PRICKLE4: variants seen among roughly 807,000 people sequenced by gnomAD.
PRICKLE4 encodes prickle planar cell polarity protein 4.
In PRICKLE4, 40 loss-of-function variants were observed where a neutral mutation model predicts 43.5. That is an observed-to-expected ratio of 0.92 (90% confidence interval 0.71 to 1.20). PRICKLE4 has a LOEUF of 1.20. Ranked by LOEUF, PRICKLE4 falls within the 50% of genes most tolerant of loss-of-function variation. The pLI is 0.00. For missense variants in PRICKLE4, 527 were observed against 491.2 expected, an observed-to-expected ratio of 1.07 and a Z score of -0.69; for synonymous variants, 208 against 197.4, an observed-to-expected ratio of 1.05 and a Z score of -0.45.
rs1285975998 is a variant in PRICKLE4, at chr6:41,787,028, G to A, written c.1054G>A (p.Gly352Arg). 7 of 1,613,904 alleles carry A rather than the reference G, an allele frequency of 4.3e-6. No homozygotes were observed. In the South Asian group the frequency reaches 5.5e-5, roughly 13 times the overall value. Residue 352 changes from glycine to arginine, a missense_variant, in exon 8 of 8, where the codon GGA becomes AGA. Physicochemically the swap from Gly to Arg is moderately radical, Grantham distance 125. Coordinates refer to ENST00000458694, the MANE Select transcript of PRICKLE4 (RefSeq NM_013397.6). ...CTCCTCCTCTGACTCGGAACCTGAA[G>A]GATTTTTCTTAGGCGAGCGCCTTCC... ...CSSSSDSEPEGFFLGERLPQS... is the reference protein window; with the variant it reads ...CSSSSDSEPERFFLGERLPQS...
At position 41,786,397 on chromosome 6, in the gene PRICKLE4, G is replaced by A. The variant is rs773681695; in HGVS notation, c.787+65G>A. The A allele has an allele frequency of 5.4e-6, 8 of 1,492,554 alleles. No homozygotes were observed. The South Asian group carries it at 6.2e-5, about 12-fold the overall frequency. 92.5% of individuals were successfully genotyped at this position (1,492,554 alleles called of 1,614,324 possible). A position where few individuals can be genotyped will look rare whatever the true frequency, so the allele number is the denominator to read the frequency against. On this transcript the variant is annotated intron_variant, in intron 7 of 7. Coordinates refer to ENST00000458694, the MANE Select transcript of PRICKLE4 (RefSeq NM_013397.6). ...GGCTGGGCTGTGGGGGTTCTCCCGGGCTGGGACCCTCGCCCCGGTCCCACG... is the reference window on the plus strand; with the variant it reads ...GGCTGGGCTGTGGGGGTTCTCCCGGACTGGGACCCTCGCCCCGGTCCCACG...
At chr6:41,785,281 G>C (rs1772621973) in intron 5 of PRICKLE4, 56 bp from the exon 6 acceptor site, 18 of 1,576,850 alleles carry the variant, frequency 1.1e-5, no homozygotes, top group Non-Finnish European at 1.6e-5. Context: ...AGAGCAAGGA[G>C]GGAAGTTAGG....
chr6:41,782,726 A>C (rs996962574), intron 2 of PRICKLE4, among the ~76,000 whole-genome samples: 1 of 152,180 alleles, frequency 6.6e-6, no homozygotes. Flanking sequence ...TATTATGGTC[A>C]TATCAGGAGC....
At position 41,785,003 on chromosome 6, in the gene PRICKLE4, G is replaced by C; in HGVS notation, c.309G>C (p.Lys103Asn). The C allele has an allele frequency of 6.2e-7, 1 of 1,613,752 alleles. No homozygotes were observed. The highest frequency in any genetic ancestry group is 8.5e-7 in the Non-Finnish European group (1 of 1,179,880). Residue 103 changes from lysine (K) to asparagine (N), a missense_variant, in exon 5 of 8, where the codon AAG becomes AAC. Transcript: ENST00000458694. ...AELQLFCARR[K>N]QEALGQGVAR... ...TGCAGCTCTTCTGTGCCAGGCGGAA[G>C]CAGGAAGCCCTGGGACAGGGGGTAG...
At position 41,784,943 on chromosome 6, in the gene PRICKLE4, C is replaced by T. The variant is rs2127306570; in HGVS notation, c.249C>T (p.Tyr83=). ...GAGGACTGTTTCTGCAGGAGCGCTA[C>T]TGCCTGGCCCTTGGGGAGGAGGAGC... ...QLPPQDIDER[Y]CLALGEEERA... The change falls in exon 5 of 8, where the codon TAC becomes TAT. Residue 83 remains tyrosine, a synonymous_variant. Transcript: ENST00000458694. 5 of 1,613,998 alleles carry T rather than the reference C, an allele frequency of 3.1e-6. No homozygotes were observed. The East Asian group carries it at 8.9e-5, about 29-fold the overall frequency.
At chr6:41,783,840 C>G (rs1185587280) in intron 3 of PRICKLE4, 1 of 768,026 alleles carries the variant, frequency 1.3e-6, no homozygotes, top group Non-Finnish European at 2.3e-6. Flanking sequence ...AAACCAGACT[C>G]TAGGGGCTTT....
rs542473697 is a variant in PRICKLE4, at chr6:41,787,202, C to T, written c.*73C>T. ...AAGCGGGAGAACAAGGCTAGCCTCC[C>T]CCTAACAATCCTAGACTGAGACGCA... On this transcript the variant is annotated 3_prime_UTR_variant, in exon 8 of 8. Coordinates refer to ENST00000458694, the MANE Select transcript of PRICKLE4 (RefSeq NM_013397.6). The T allele has an allele frequency of 1.0e-5, 15 of 1,500,132 alleles. No homozygotes were observed. The highest frequency in any genetic ancestry group is 2.8e-5 in the African/African-American group (2 of 71,692). The allele number at this position is 1,500,132 out of a possible 1,614,324, so 92.9% of individuals were successfully genotyped here.
chr6:41,786,410 C>T lies in PRICKLE4; in HGVS notation c.787+78C>T, dbSNP rs754092313. On this transcript the variant is annotated intron_variant, in intron 7 of 7. Transcript: ENST00000458694. ...GGGTTCTCCCGGGCTGGGACCCTCGCCCCGGTCCCACGCCGTCCCGTCCCT... is the reference window on the plus strand; with the variant it reads ...GGGTTCTCCCGGGCTGGGACCCTCGTCCCGGTCCCACGCCGTCCCGTCCCT... 1.5e-5 allele frequency: 22 copies of T among 1,453,662 alleles called. No individual in the cohort carries two copies. The South Asian group carries it at 2.4e-4, about 16-fold the overall frequency. The allele number at this position is 1,453,662 out of a possible 1,614,324, so 90.0% of individuals were successfully genotyped here.
chr6:41,783,514 G>C lies in PRICKLE4; in HGVS notation c.41G>C (p.Ser14Thr). The change falls in exon 3 of 8, where the codon AGC becomes ACC. Residue 14 changes from serine to threonine, a missense_variant. Physicochemically the swap from Ser to Thr is moderately conservative, Grantham distance 58. Coordinates refer to ENST00000458694, the MANE Select transcript of PRICKLE4 (RefSeq NM_013397.6). ...TCTGGCTGGCCCCACCAAGAAGACA[G>C]CCCCAAGCCCCAGGATCCAGGTCCA... ...QNSGWPHQED[S>T]PKPQDPGPPA... 3 of 1,588,440 alleles carry C rather than the reference G, an allele frequency of 1.9e-6. No homozygotes were observed. The highest frequency in any genetic ancestry group is 2.6e-6 in the Non-Finnish European group (3 of 1,157,322).
At position 41,786,904 on chromosome 6, in the gene PRICKLE4, G is replaced by C. The variant is rs1429213061; in HGVS notation, c.930G>C (p.Glu310Asp). Residue 310 changes from glutamate (E) to aspartate (D), a missense_variant, in exon 8 of 8, where the codon GAG becomes GAC. Transcript: ENST00000458694. Reference sequence around the variant, plus strand: ...TGCCTGGATCCAGTCCCCAGCAGGAGAACCGACCTGGGGACAAAGCGGAGG... The same window carrying C: ...TGCCTGGATCCAGTCCCCAGCAGGACAACCGACCTGGGGACAAAGCGGAGG... Reference protein sequence around the residue: ...RGLPGSSPQQENRPGDKAEAP... With the variant: ...RGLPGSSPQQDNRPGDKAEAP... 1.2e-6 allele frequency: 2 copies of C among 1,612,680 alleles called. No homozygotes were observed. The highest frequency in any genetic ancestry group is 1.7e-4 in the Middle Eastern group (1 of 6,056).
In PRICKLE4 at chr6:41,786,748, C is replaced by T. The variant is rs778582922; in HGVS notation, c.788-14C>T. 6.2e-7 allele frequency: 1 copy of T among 1,612,806 alleles called. No homozygotes were observed. The highest frequency in any genetic ancestry group is 8.5e-7 in the Non-Finnish European group (1 of 1,179,948). On this transcript the variant is annotated splice_polypyrimidine_tract_variant and intron_variant, in intron 7 of 7. Coordinates refer to ENST00000458694, the MANE Select transcript of PRICKLE4 (RefSeq NM_013397.6). ...CGGCTCTGAGACCAGCGTTTCCGAC[C>T]CGGCCCGGAACAGGGGAGACTGGAC...
intron 1 of PRICKLE4, 103 bp downstream of exon 1, chr6:41,780,929 G>T (rs1772539387): frequency 6.1e-6 from 1 of 164,130 alleles, no homozygotes; most frequent in Non-Finnish European, 1.3e-5. Context: ...CCCGGAGGCG[G>T]GCCCGCCAAG....
At chr6:41,786,516 C>T (rs1269521015) in intron 7 of PRICKLE4, 184 bp downstream of exon 7, 2 of 1,022,616 alleles carry the variant, frequency 2.0e-6, no homozygotes, top group Non-Finnish European at 1.4e-6. Context: ...CCGGAGCGTT[C>T]CAAGGGCCGC....
rs865927966 is a variant in PRICKLE4 at position 41,786,764 on chromosome 6, G to A, written c.790G>A (p.Glu264Lys). ...GALEGQAFLGETGLDRTEGRD... is the reference protein window; with the variant it reads ...GALEGQAFLGKTGLDRTEGRD... ...GTTTCCGACCCGGCCCGGAACAGGG[G>A]AGACTGGACTCGACCGAACTGAAGG... is the stretch of plus-strand genomic sequence containing the variant. The change falls in exon 8 of 8, where the codon GAG (glutamate) becomes AAG (lysine). Residue 264 changes from glutamate to lysine, a missense_variant and splice_region_variant. By Grantham distance (56) the Glu-to-Lys change is moderately conservative. Transcript: ENST00000458694. The A allele has an allele frequency of 8.7e-6, 14 of 1,613,102 alleles. No homozygotes were observed. Among genetic ancestry groups the A allele is most frequent in the Non-Finnish European group, 1.1e-5 (13 of 1,179,874 alleles).
intron 6 of PRICKLE4, 36 bp downstream of exon 6, chr6:41,785,576 A>G (rs771135198): frequency 6.3e-7 from 1 of 1,585,564 alleles, no homozygotes; most frequent in Admixed American, 1.7e-5. Context: ...GGGTCTGCCC[A>G]GAGTCCAGAG....
intron 4 of PRICKLE4, 59 bp downstream of exon 4, chr6:41,784,297 A>C (rs1023192661): frequency 2.8e-5 from 37 of 1,343,332 alleles, no homozygotes; most frequent in Non-Finnish European, 3.7e-5. Context: ...CTCTTTTCTT[A>C]CTGTGGGAAG....
intron 4 of PRICKLE4, 30 bp downstream of exon 4, chr6:41,784,268 T>G: frequency 6.6e-7 from 1 of 1,512,436 alleles, no homozygotes; most frequent in Non-Finnish European, 9.1e-7. Context: ...CTTCCCTCTC[T>G]TGCCTTTCCC....
intron 6 of PRICKLE4, among the ~76,000 whole-genome samples, chr6:41,785,780 T>C (rs1483289976): frequency 6.6e-6 from 1 of 152,186 alleles, no homozygotes; most frequent in African/African-American, 2.4e-5. Flanking sequence ...ACTCATCGAA[T>C]TTCTCTAGAG....
rs759909842 is a variant in PRICKLE4, at chr6:41,784,950, G to GC, written c.259dup (p.Leu87ProfsTer34). 6.2e-6 allele frequency: 10 copies of GC among 1,613,910 alleles called. No individual in the cohort carries two copies. ...GTTTCTGCAGGAGCGCTACTGCCTG[G>GC]CCCTTGGGGAGGAGGAGCGGGCCGA... On this transcript the variant is annotated frameshift_variant, in exon 5 of 8. Coordinates refer to ENST00000458694, the MANE Select transcript of PRICKLE4 (RefSeq NM_013397.6). LOFTEE classifies it high-confidence loss of function.
Sources: allele counts gnomAD v4.1 joint callset (sites outside exome capture counted in the v4.1 genomes callset), GRCh38; gene constraint gnomAD v4.1.1; transcripts MANE v1.5; gene names NCBI Gene and HGNC (gene_info 2026-07-23, HGNC 2026-07-21).